Variants in KCNIP3 observed in about 807,000 individuals in gnomAD.
The protein encoded by KCNIP3 is potassium voltage-gated channel interacting protein 3, also known as calsenilin.
A neutral mutation model predicts 35.0 loss-of-function variants in KCNIP3; 28 were observed. The observed-to-expected ratio is 0.80, with a 90% CI of 0.59 to 1.10. KCNIP3 has a LOEUF of 1.10. Ranked by LOEUF, KCNIP3 falls within the 50% of genes least tolerant of loss-of-function variation. The pLI, the probability that KCNIP3 is intolerant of heterozygous loss-of-function variation, is 0.00. For synonymous variants in KCNIP3, 134 were observed against 133.8 expected, an observed-to-expected ratio of 1.00 and a Z score of -0.01; for missense variants, 295 against 338.4, an observed-to-expected ratio of 0.87 and a Z score of 1.01.
At chr2:95,300,289 G>T (rs1337900038) in intron 1 of KCNIP3, among the ~76,000 whole-genome samples, 2 of 152,226 alleles carry the variant, frequency 1.3e-5, no homozygotes, top group African/African-American at 4.8e-5. Flanking sequence ...TGGATCCAGA[G>T]CTAGGAAGTA....
intron 2 of KCNIP3, 154 bp downstream of exon 2, chr2:95,310,674 C>T: frequency 2.5e-6 from 2 of 788,378 alleles, no homozygotes; most frequent in Non-Finnish European, 4.2e-6. Context: ...CATTCACACC[C>T]TTCCCCATTC....
chr2:95,364,340 A>G (rs1212074467), intron 2 of KCNIP3, among the ~76,000 whole-genome samples: 1 of 152,150 alleles, frequency 6.6e-6, no homozygotes, highest in African/African-American at 2.4e-5. Context: ...CTTCTTGATC[A>G]TGATGTACTT....
intron 2 of KCNIP3, among the ~76,000 whole-genome samples, chr2:95,328,098 C>T (rs2104240722): frequency 6.6e-6 from 1 of 152,346 alleles, no homozygotes. Context: ...CAGTTTATCT[C>T]AGCCTCACCC....
chr2:95,305,601 C>T (rs1312253673), intron 1 of KCNIP3, among the ~76,000 whole-genome samples: 1 of 152,164 alleles, frequency 6.6e-6, no homozygotes, highest in East Asian at 1.9e-4. Context: ...CAGCTCTGTC[C>T]CCTCAAGGCC....
At position 95,382,383 on chromosome 2, in the gene KCNIP3, C is replaced by T. The variant is rs1032854043; in HGVS notation, c.562C>T (p.Leu188=). 21 of 1,586,868 alleles carry T rather than the reference C, an allele frequency of 1.3e-5. No individual in the cohort carries two copies. The highest frequency in any genetic ancestry group is 1.7e-5 in the Non-Finnish European group (20 of 1,167,140). The change falls in exon 7 of 9, where the codon CTG becomes TTG. Residue 188 remains leucine (L), a synonymous_variant. Transcript: ENST00000295225. This position sits in a 1 kb window ranked among gnomAD's most constrained non-coding sequence, Gnocchi z 4.5. ...KDGYITKEEM[L]AIMKSIYDMM... Reference sequence around the variant, plus strand: ...TGCCAGCCTCCCCCTCCAGGAGATGCTGGCCATCATGAAGTCCATCTATGA... The same window carrying T: ...TGCCAGCCTCCCCCTCCAGGAGATGTTGGCCATCATGAAGTCCATCTATGA...
chr2:95,313,984 T>A (rs930920253), intron 2 of KCNIP3: 1 of 150,818 alleles, frequency 6.6e-6, no homozygotes, highest in African/African-American at 2.4e-5. Flanking sequence ...CACACACACA[T>A]GAGCACACAC....
chr2:95,323,011 CT>C (rs1170113116), intron 2 of KCNIP3, among the ~76,000 whole-genome samples: 3 of 152,252 alleles, frequency 2.0e-5, no homozygotes, highest in Non-Finnish European at 2.9e-5. Context: ...GAATGGGCTG[CT>C]GTGGTCCTGG....
At chr2:95,348,435 C>G (rs1679430933) in intron 2 of KCNIP3, among the ~76,000 whole-genome samples, 1 of 152,150 alleles carries the variant, frequency 6.6e-6, no homozygotes, top group Non-Finnish European at 1.5e-5. Context: ...ATTTTCTTTC[C>G]CCATCTGGAG....
At chr2:95,368,860 G>C (rs116038038) in intron 2 of KCNIP3, 2,044 of 191,588 alleles carry the variant, frequency 0.011, 48 homozygotes, top group African/African-American at 0.046. Context: ...TCAGCTTCCA[G>C]GTAGCACAAA....
At position 95,378,580 on chromosome 2, in the gene KCNIP3, C is replaced by T. The variant is rs547609018; in HGVS notation, c.448-3016C>T. Among the ~76,000 whole-genome samples, 4 of 110,270 alleles carry T rather than the reference C, an allele frequency of 3.6e-5. No individual in the cohort carries two copies. Among genetic ancestry groups the T allele is most frequent in the Non-Finnish European group, 7.7e-5 (4 of 51,686 alleles). 72.3% of individuals were successfully genotyped at this position (110,270 alleles called of 152,430 possible). On this transcript the variant is annotated intron_variant, in intron 5 of 8. Coordinates refer to ENST00000295225, the MANE Select transcript of KCNIP3 (RefSeq NM_013434.5). The surrounding 1 kb of genome is among the most constrained non-coding windows in gnomAD (Gnocchi z 4.0). ...CGAAACCCCGTCTCTACTAAAAATA[C>T]AAAAAAAAAAAAAAAATTAGCTGGG...
At chr2:95,369,352 C>A (rs1679988116) in intron 2 of KCNIP3, among the ~76,000 whole-genome samples, 1 of 152,096 alleles carries the variant, frequency 6.6e-6, no homozygotes, top group Non-Finnish European at 1.5e-5. Flanking sequence ...TCAAAGGATT[C>A]AATTTGCTAA....
chr2:95,354,256 G>T (rs1477542389), intron 2 of KCNIP3, among the ~76,000 whole-genome samples: 1 of 152,250 alleles, frequency 6.6e-6, no homozygotes, highest in East Asian at 1.9e-4. Context: ...TCTCAGAGCA[G>T]CAGGGGCGTG....
chr2:95,368,052 G>A (rs1183514504), intron 2 of KCNIP3, among the ~76,000 whole-genome samples: 3 of 152,174 alleles, frequency 2.0e-5, no homozygotes, highest in East Asian at 1.9e-4. Flanking sequence ...ATGAGCCACC[G>A]CGCCCGGCCT....
intron 2 of KCNIP3, among the ~76,000 whole-genome samples, chr2:95,325,614 TACACACACACACTC>T (rs1322746826): frequency 2.7e-5 from 4 of 149,366 alleles, no homozygotes; most frequent in Non-Finnish European, 6.0e-5. Flanking sequence ...CATACACACG[TACACACACACACTC>T]ACACACACAC....
chr2:95,381,450 G>A, intron 5 of KCNIP3, 146 bp from the exon 6 acceptor site: 1 of 639,630 alleles, frequency 1.6e-6, no homozygotes, highest in East Asian at 2.7e-5. Flanking sequence ...CACTCACCCT[G>A]TGCTGACCTG....
intron 2 of KCNIP3, chr2:95,312,249 G>C (rs555043246): frequency 6.6e-6 from 1 of 152,304 alleles, no homozygotes; most frequent in African/African-American, 2.4e-5. Flanking sequence ...GCTCAGGACG[G>C]GTGGGGCTGG....
At chr2:95,322,555 A>G (rs1339855690) in intron 2 of KCNIP3, among the ~76,000 whole-genome samples, 1 of 152,166 alleles carries the variant, frequency 6.6e-6, no homozygotes, top group African/African-American at 2.4e-5. Flanking sequence ...GGATTCTATC[A>G]GTGTCCATAA....
chr2:95,348,458 G>A (rs1398108121), intron 2 of KCNIP3, among the ~76,000 whole-genome samples: 7 of 152,186 alleles, frequency 4.6e-5, no homozygotes, highest in Non-Finnish European at 1.0e-4. Context: ...TGGGGTGGGC[G>A]TGGGGGGTGG....
At chr2:95,346,199 G>A (rs1488392378) in intron 2 of KCNIP3, among the ~76,000 whole-genome samples, 6 of 152,144 alleles carry the variant, frequency 3.9e-5, no homozygotes, top group African/African-American at 1.2e-4. Flanking sequence ...GAAATGCGCC[G>A]GGGAGTGAGG....
Sources: allele counts gnomAD v4.1 joint callset (sites outside exome capture counted in the v4.1 genomes callset), GRCh38; gene constraint gnomAD v4.1.1; non-coding constraint Gnocchi (gnomAD v3.1); transcripts MANE v1.5; gene names NCBI Gene and HGNC (gene_info 2026-07-23, HGNC 2026-07-21).